The following C9 variants were observed in gnomAD, a reference collection of about 807,000 sequenced individuals.
The protein encoded by C9 is complement component C9.
C9 carries 63 observed loss-of-function variants against 65.4 expected under a neutral mutation model. The observed-to-expected ratio is 0.96, with a 90% confidence interval of 0.79 to 1.19. The LOEUF is 1.19. Among genes scored for constraint, C9 ranks in the 50% most tolerant of loss-of-function variants. The pLI is 0.00. For missense variants in C9, 744 were observed against 670.1 expected, an observed-to-expected ratio of 1.11 and a Z score of -1.22; for synonymous variants, 229 against 227.9, an observed-to-expected ratio of 1.00 and a Z score of -0.04.
intron 1 of C9, among the ~76,000 whole-genome samples, chr5:39,342,534 T>C (rs548399519): frequency 5.9e-5 from 9 of 152,338 alleles, no homozygotes; most frequent in African/African-American, 2.2e-4. Flanking sequence ...ATGAACATAA[T>C]GAAGCCAGAA....
intron 1 of C9, among the ~76,000 whole-genome samples, chr5:39,354,304 G>A (rs1218288448): frequency 6.6e-6 from 1 of 152,150 alleles, no homozygotes; most frequent in Non-Finnish European, 1.5e-5. Flanking sequence ...CTATAGCAGT[G>A]GGTCTCAATA....
chr5:39,331,772 G>T lies in C9; in HGVS notation c.519C>A (p.Asp173Glu). 6.2e-7 allele frequency: 1 copy of T among 1,612,780 alleles called. No individual in the cohort carries two copies. The highest frequency in any genetic ancestry group is 8.5e-7 in the Non-Finnish European group (1 of 1,178,740). The change falls in exon 5 of 11, where the codon GAC (aspartate) becomes GAA (glutamate). Residue 173 changes from aspartate (D) to glutamate (E), a missense_variant. Asp to Glu is a conservative substitution (Grantham distance 45, BLOSUM62 2). Coordinates refer to ENST00000263408, the MANE Select transcript of C9 (RefSeq NM_001737.5). ...LGMDPLSTPF[D>E]NEFYNGLCNR... The stretch of plus-strand genomic sequence containing the variant: ...TACAGAGTCCATTGTAGAACTCATT[G>T]TCAAAAGGTGTGCTTAGGGGATCCA...
intron 1 of C9, among the ~76,000 whole-genome samples, chr5:39,357,151 C>T (rs1043527498): frequency 1.6e-4 from 24 of 152,156 alleles, no homozygotes; most frequent in Admixed American, 4.6e-4. Context: ...GCCTCAGTAG[C>T]ACCTCAAATT....
chr5:39,346,072 A>G (rs1316423348), intron 1 of C9, among the ~76,000 whole-genome samples: 3 of 152,252 alleles, frequency 2.0e-5, no homozygotes, highest in Admixed American at 6.5e-5. Context: ...AAAGCAGGAA[A>G]GATCTAAAAT....
At chr5:39,300,002 G>C (rs1040816630) in intron 9 of C9, among the ~76,000 whole-genome samples, 2 of 151,918 alleles carry the variant, frequency 1.3e-5, no homozygotes, top group Non-Finnish European at 2.9e-5. Context: ...TTGTGTTTTT[G>C]GATTATATTA....
intron 1 of C9, among the ~76,000 whole-genome samples, chr5:39,347,708 C>T (rs1421020846): frequency 1.3e-5 from 2 of 152,118 alleles, no homozygotes; most frequent in Admixed American, 6.5e-5. Context: ...GCCCTCATTA[C>T]CAAGATAATC....
chr5:39,334,711 G>T (rs567209081), intron 4 of C9, among the ~76,000 whole-genome samples: 2 of 148,750 alleles, frequency 1.3e-5, no homozygotes, highest in Non-Finnish European at 3.0e-5. Context: ...TCAGCCCCCC[G>T]CCTGGCCAGC....
intron 4 of C9, among the ~76,000 whole-genome samples, chr5:39,334,912 G>C (rs1753934099): frequency 6.6e-6 from 1 of 152,052 alleles, no homozygotes; most frequent in Non-Finnish European, 1.5e-5. Context: ...GAAATCAGAT[G>C]GTTGCTCTGT....
chr5:39,321,800 C>G, intron 5 of C9, among the ~76,000 whole-genome samples: 1 of 151,954 alleles, frequency 6.6e-6, no homozygotes, highest in East Asian at 1.9e-4. Context: ...TCAATTTTGT[C>G]AGAGGATATT....
At position 39,305,471 on chromosome 5, in the gene C9, C is replaced by T. The variant is rs535922654; in HGVS notation, c.1416+1146G>A. Among the ~76,000 whole-genome samples, 3 of 152,144 alleles carry T rather than the reference C, an allele frequency of 2.0e-5. No individual in the cohort carries two copies. The East Asian group carries it at 5.8e-4, about 29-fold the overall frequency. ...TATGAAAATGTTAAAATTTCTGTAA[C>T]TCAAGTTAATCAAACTGGAGTAGGG... On this transcript the variant is annotated intron_variant, in intron 9 of 10. Transcript: ENST00000263408.
At chr5:39,285,973 T>C (rs1444756841) in intron 10 of C9, among the ~76,000 whole-genome samples, 1 of 152,098 alleles carries the variant, frequency 6.6e-6, no homozygotes, top group Non-Finnish European at 1.5e-5. Context: ...TTGGAAGATC[T>C]ACCTTGAGGG....
chr5:39,314,638 C>T (rs567891307), intron 6 of C9, among the ~76,000 whole-genome samples: 3 of 152,132 alleles, frequency 2.0e-5, no homozygotes, highest in African/African-American at 7.2e-5. Flanking sequence ...CCAGGTTTTT[C>T]CTACATTAGA....
chr5:39,357,614 G>A (rs1048384421), intron 1 of C9, among the ~76,000 whole-genome samples: 1 of 152,240 alleles, frequency 6.6e-6, no homozygotes, highest in African/African-American at 2.4e-5. Context: ...AGACATGTGA[G>A]TTATGAAGGA....
At chr5:39,348,177 A>ACCT in intron 1 of C9, among the ~76,000 whole-genome samples, 1 of 152,264 alleles carries the variant, frequency 6.6e-6, no homozygotes, top group Middle Eastern at 3.4e-3. Context: ...AATGGGATCT[A>ACCT]ATTAAACTAA....
At chr5:39,364,045 T>C (rs1464850097) in intron 1 of C9, among the ~76,000 whole-genome samples, 7 of 152,200 alleles carry the variant, frequency 4.6e-5, no homozygotes. Context: ...TTAATTTCCT[T>C]AATTTTAAAC....
intron 1 of C9, among the ~76,000 whole-genome samples, chr5:39,354,746 T>G (rs1754385830): frequency 6.6e-6 from 1 of 152,246 alleles, no homozygotes; most frequent in South Asian, 2.1e-4. Context: ...TTTGTTTTGT[T>G]TTGTTATTTT....
rs1157807681 is a variant in C9, at chr5:39,359,102, G to GTATATA, written c.77+5280_77+5285dup. 1.2e-3 allele frequency among the ~76,000 whole-genome samples: 125 copies of GTATATA among 103,660 alleles called. 4 individuals carry two copies. The South Asian group carries it at 0.012, about 10-fold the overall frequency. 68.0% of individuals were successfully genotyped at this position (103,660 alleles called of 152,430 possible). On this transcript the variant is annotated intron_variant, in intron 1 of 10. Coordinates refer to ENST00000263408, the MANE Select transcript of C9 (RefSeq NM_001737.5). ...TGTATATATATATGTGTGTGTGTGT[G>GTATATA]TATATATATATATATATATATATGT...
intron 1 of C9, among the ~76,000 whole-genome samples, chr5:39,352,593 C>G (rs1185826246): frequency 6.6e-6 from 1 of 152,154 alleles, no homozygotes; most frequent in Non-Finnish European, 1.5e-5. Flanking sequence ...TAGTCAACCA[C>G]AAAAATTTGC....
intron 5 of C9, among the ~76,000 whole-genome samples, chr5:39,324,467 T>A (rs942833023): frequency 2.0e-5 from 3 of 152,142 alleles, no homozygotes; most frequent in African/African-American, 7.2e-5. Context: ...GGAAATGGCA[T>A]AAGGCAATTA....
Sources: gnomAD v4.1 joint callset for allele counts (sites outside exome capture counted in the v4.1 genomes callset) on GRCh38, gnomAD v4.1.1 for gene constraint, MANE v1.5 for transcripts, NCBI Gene and HGNC (gene_info 2026-07-23, HGNC 2026-07-21) for gene names.